Variants in RPS21 observed in about 807,000 individuals in gnomAD.
The protein encoded by RPS21 is small ribosomal subunit protein eS21.
RPS21 carries 6 observed loss-of-function variants against 14.5 expected under a neutral mutation model. The ratio of observed to expected loss-of-function variants is 0.41; its 90% CI spans 0.23 to 0.82. The LOEUF is 0.82. Ranked by LOEUF, RPS21 falls within the 40% of genes least tolerant of loss-of-function variation. RPS21 has a pLI of 0.31. For missense variants in RPS21, 85 were observed against 115.0 expected (o/e 0.74, Z 1.19); for synonymous variants, 61 against 42.6 (o/e 1.43, Z -1.69).
At position 62,388,503 on chromosome 20, in the gene RPS21, A is replaced by T. The variant is rs199998702; in HGVS notation, c.*37A>T. The T allele has an allele frequency of 1.2e-5, 19 of 1,609,338 alleles. No individual in the cohort carries two copies. In the East Asian group the frequency reaches 4.0e-4, roughly 34 times the overall value. ...CACAGATGTGGAATATTTGTCATAA[A>T]TAAATAATGAAAACCTACCTGTGCA... On this transcript the variant is annotated 3_prime_UTR_variant, in exon 6 of 6. Transcript: ENST00000343986.
In RPS21 at chr20:62,387,322, C is replaced by G. The variant is rs781086375; in HGVS notation, c.-17C>G. 1.6e-5 allele frequency: 25 copies of G among 1,589,298 alleles called. No homozygotes were observed. The Admixed American group carries it at 2.8e-4, about 18-fold the overall frequency. On this transcript the variant is annotated splice_region_variant and 5_prime_UTR_variant, in exon 2 of 6. Transcript: ENST00000343986. ...CGGCGCCGCGCGGTGACTCCCCAGGCGCAGCCCAGCCTCGAAATGCAGAAC... is the reference window on the plus strand; with the variant it reads ...CGGCGCCGCGCGGTGACTCCCCAGGGGCAGCCCAGCCTCGAAATGCAGAAC...
rs1987795982 is a variant in RPS21 at position 62,387,883 on chromosome 20, C to G, written c.155C>G (p.Thr52Ser). The G allele has an allele frequency of 6.2e-7, 1 of 1,614,206 alleles. No homozygotes were observed. The highest frequency in any genetic ancestry group is 8.5e-7 in the Non-Finnish European group (1 of 1,180,044). Residue 52 changes from threonine to serine, a missense_variant, in exon 4 of 6, where the codon ACT (threonine) becomes AGT (serine). Physicochemically the swap from Thr to Ser is moderately conservative, Grantham distance 58 (BLOSUM62 1). Transcript: ENST00000343986. The part of the protein sequence containing the change: ...VTGRFNGQFK[T>S]YAICGAIRRM... Reference sequence around the variant, plus strand: ...GGCAGGTTTAATGGCCAGTTTAAAACTTATGCTATCTGCGGGGCCATTCGT... The same window carrying G: ...GGCAGGTTTAATGGCCAGTTTAAAAGTTATGCTATCTGCGGGGCCATTCGT...
At chr20:62,388,004 C>G (rs771709317) in intron 4 of RPS21, 90 bp downstream of exon 4, 4 of 1,611,614 alleles carry the variant, frequency 2.5e-6, no homozygotes, top group African/African-American at 1.3e-5. Flanking sequence ...CTGAGTAGAT[C>G]TGCTGGCAGA....
Position 62,388,196 on chromosome 20 carries a change from G to C in RPS21, c.187-113G>C, listed in dbSNP as rs769995616. 3.3e-5 allele frequency: 48 copies of C among 1,460,302 alleles called. No homozygotes were observed. In the African/African-American group the frequency reaches 5.9e-4, roughly 18 times the overall value. The allele number at this position is 1,460,302 out of a possible 1,614,324, so 90.5% of individuals were successfully genotyped here. A position where few individuals can be genotyped will look rare whatever the true frequency, so the allele number is the denominator to read the frequency against. ...GAGAGGTGGCTCCCCTTCTGCGCCT[G>C]TCTCCATTCGCTCAGCGGGGGAGAG... On this transcript the variant is annotated intron_variant, in intron 4 of 5. Transcript: ENST00000343986.
At chr20:62,388,170 G>A in intron 4 of RPS21, 139 bp from the exon 5 acceptor site, 4 of 1,468,524 alleles carry the variant, frequency 2.7e-6, no homozygotes, top group Non-Finnish European at 3.6e-6. Flanking sequence ...GGCTGCCCCG[G>A]GAGAGGTGGC....
chr20:62,387,498 T>C, intron 2 of RPS21, 110 bp downstream of exon 2: 1 of 1,589,092 alleles, frequency 6.3e-7, no homozygotes, highest in Non-Finnish European at 8.6e-7. Flanking sequence ...CGTCCCTAAC[T>C]TGTCCTGCCC....
rs1244537539 is a variant in RPS21 at position 62,387,828 on chromosome 20, T to G, written c.115-15T>G. ...AACCTGGGGGAGTGGTTTGTGACCC[T>G]TCTTCTCTTTCTAGGTTGACAAGGT... On this transcript the variant is annotated splice_polypyrimidine_tract_variant and intron_variant, in intron 3 of 5. Transcript: ENST00000343986. The G allele has an allele frequency of 3.7e-6, 6 of 1,614,094 alleles. No individual in the cohort carries two copies. Among genetic ancestry groups the G allele is most frequent in the Non-Finnish European group, 4.2e-6 (5 of 1,180,000 alleles).
Position 62,387,374 on chromosome 20 carries a change from C to T in RPS21, c.36C>T (p.Tyr12=), listed in dbSNP as rs146803879. Residue 12 remains tyrosine, a synonymous_variant, in exon 2 of 6, where the codon TAC becomes TAT. Transcript: ENST00000343986. ...QNDAGEFVDL[Y]VPRKCSASNR... ...ACGCCGGCGAGTTCGTGGACCTGTA[C>T]GTGCCGCGGAAATGGTAAGCGCCCC... 5 of 1,608,160 alleles carry T rather than the reference C, an allele frequency of 3.1e-6. No individual in the cohort carries two copies. The highest frequency in any genetic ancestry group is 2.7e-5 in the African/African-American group (2 of 74,774).
intron 2 of RPS21, 99 bp downstream of exon 2, chr20:62,387,487 A>G: frequency 6.3e-7 from 1 of 1,585,774 alleles, no homozygotes. Flanking sequence ...TTACCTCGTC[A>G]CGTCCCTAAC....
rs772136838 is a variant in RPS21 at position 62,388,467 on chromosome 20, C to T, written c.*1C>T. ...TTCCCCTGGTTCTAGGAACTTTTGACTGGAGAGAATCACAGATGTGGAATA... is the reference window on the plus strand; with the variant it reads ...TTCCCCTGGTTCTAGGAACTTTTGATTGGAGAGAATCACAGATGTGGAATA... On this transcript the variant is annotated 3_prime_UTR_variant, in exon 6 of 6. Coordinates refer to ENST00000343986, the MANE Select transcript of RPS21 (RefSeq NM_001024.4). The T allele has an allele frequency of 1.5e-5, 25 of 1,613,376 alleles. No homozygotes were observed. Among genetic ancestry groups the T allele is most frequent in the Admixed American group, 6.7e-5 (4 of 59,968 alleles).
chr20:62,387,830 C>G lies in RPS21; in HGVS notation c.115-13C>G, dbSNP rs144515688. On this transcript the variant is annotated splice_polypyrimidine_tract_variant and intron_variant, in intron 3 of 5. Transcript: ENST00000343986. ...CCTGGGGGAGTGGTTTGTGACCCTT[C>G]TTCTCTTTCTAGGTTGACAAGGTCA... is the stretch of plus-strand genomic sequence containing the variant. 6.2e-7 allele frequency: 1 copy of G among 1,613,958 alleles called. No individual in the cohort carries two copies. Among genetic ancestry groups the G allele is most frequent in the African/African-American group, 1.3e-5 (1 of 74,924 alleles).
intron 4 of RPS21, 41 bp from the exon 5 acceptor site, chr20:62,388,268 G>A (rs746850940): frequency 8.3e-6 from 13 of 1,573,900 alleles, no homozygotes; most frequent in Non-Finnish European, 1.1e-5. Context: ...CAGGCAGCCG[G>A]AGTGGAAATA....
chr20:62,388,169 G>A (rs571850760), intron 4 of RPS21, 140 bp from the exon 5 acceptor site: 84 of 1,464,306 alleles, frequency 5.7e-5, no homozygotes, highest in Non-Finnish European at 7.0e-5. Flanking sequence ...AGGCTGCCCC[G>A]GGAGAGGTGG....
At chr20:62,387,776 G>A in intron 3 of RPS21, 67 bp from the exon 4 acceptor site, 3 of 1,613,866 alleles carry the variant, frequency 1.9e-6, no homozygotes, top group South Asian at 1.1e-5. Context: ...ACAGGCAGAG[G>A]CTGGCTTTGA....
At chr20:62,388,238 C>T in intron 4 of RPS21, 71 bp from the exon 5 acceptor site, 2 of 1,523,016 alleles carry the variant, frequency 1.3e-6, no homozygotes, top group East Asian at 4.7e-5. Flanking sequence ...GCTGGTGGCA[C>T]AGCTGACCTT....
rs113533682 is a variant in RPS21, at chr20:62,387,335, C to G, written c.-4C>G. The G allele has an allele frequency of 6.3e-7, 1 of 1,599,568 alleles. No homozygotes were observed. The highest frequency in any genetic ancestry group is 8.5e-7 in the Non-Finnish European group (1 of 1,173,884). On this transcript the variant is annotated 5_prime_UTR_variant, in exon 2 of 6. Transcript: ENST00000343986. Reference sequence around the variant, plus strand: ...TGACTCCCCAGGCGCAGCCCAGCCTCGAAATGCAGAACGACGCCGGCGAGT... The same window carrying G: ...TGACTCCCCAGGCGCAGCCCAGCCTGGAAATGCAGAACGACGCCGGCGAGT...
chr20:62,387,972 G>C (rs201201136), intron 4 of RPS21, 58 bp downstream of exon 4: 872 of 1,614,136 alleles, frequency 5.4e-4, no homozygotes, highest in Non-Finnish European at 6.9e-4. Context: ...TTTACCGTGC[G>C]CATTGGAGTG....
In RPS21 at chr20:62,387,972, G is replaced by T. The variant is rs201201136; in HGVS notation, c.186+58G>T. The T allele has an allele frequency of 6.2e-6, 10 of 1,614,136 alleles. No homozygotes were observed. In the South Asian group the frequency reaches 1.1e-4, roughly 18 times the overall value. On this transcript the variant is annotated intron_variant, in intron 4 of 5. Coordinates refer to ENST00000343986, the MANE Select transcript of RPS21 (RefSeq NM_001024.4). Reference sequence around the variant, plus strand: ...CGGGACATCGTGGACTTTACCGTGCGCATTGGAGTGTGTGATGGTGCCTGA... The same window carrying T: ...CGGGACATCGTGGACTTTACCGTGCTCATTGGAGTGTGTGATGGTGCCTGA...
chr20:62,387,572 G>T (rs1350118078), intron 2 of RPS21, 39 bp from the exon 3 acceptor site: 1 of 1,597,398 alleles, frequency 6.3e-7, no homozygotes, highest in Non-Finnish European at 8.6e-7. Flanking sequence ...CATTCTTACC[G>T]CCCAAGTCCC....
Sources: allele counts gnomAD v4.1 joint callset, GRCh38; gene constraint gnomAD v4.1.1; transcripts MANE v1.5; gene names NCBI Gene and HGNC (gene_info 2026-07-23, HGNC 2026-07-21).